Variants in TNPO1 observed in about 807,000 individuals in gnomAD.
TNPO1 encodes the protein transportin-1.
In TNPO1, 8 loss-of-function variants were observed where a neutral mutation model predicts 119.5. The ratio of observed to expected loss-of-function variants is 0.07; its 90% CI spans 0.04 to 0.12. TNPO1 has a LOEUF of 0.12. Ranked by LOEUF, TNPO1 falls within the 10% of genes least tolerant of loss-of-function variation. The pLI is 1.00. For missense variants in TNPO1, 576 were observed against 1,089.8 expected (o/e 0.53, Z 6.64); for synonymous variants, 362 against 363.0 (o/e 1.00, Z 0.03).
intron 1 of TNPO1, among the ~76,000 whole-genome samples, chr5:72,843,593 CAA>C (rs35891028): frequency 5.0e-5 from 6 of 118,920 alleles, no homozygotes; most frequent in Admixed American, 1.9e-4. Flanking sequence ...GATTCCGTCT[CAA>C]AAAAAAAAAA....
chr5:72,846,235 A>G (rs1745122162), intron 1 of TNPO1, among the ~76,000 whole-genome samples: 1 of 152,204 alleles, frequency 6.6e-6, no homozygotes, highest in African/African-American at 2.4e-5. Context: ...TGTTGTTGGT[A>G]GTGGCAAAAA....
chr5:72,817,544 A>G (rs1215804283), intron 1 of TNPO1, among the ~76,000 whole-genome samples: 1 of 152,216 alleles, frequency 6.6e-6, no homozygotes, highest in African/African-American at 2.4e-5. Context: ...TAAGTCTGTT[A>G]TCTTAATCGC....
Position 72,887,240 on chromosome 5 carries a change from T to A in TNPO1, c.1303+18T>A. On this transcript the variant is annotated intron_variant, in intron 12 of 24. Coordinates refer to ENST00000337273, the MANE Select transcript of TNPO1 (RefSeq NM_002270.4). ...TGCTGAAGGTAAGCCTAAGTCCAGT[T>A]TGAATTATGTAAGTTGGCTTCTTAC... is the stretch of plus-strand genomic sequence containing the variant. 2 of 1,186,952 alleles carry A rather than the reference T, an allele frequency of 1.7e-6. No homozygotes were observed. The highest frequency in any genetic ancestry group is 2.3e-6 in the Non-Finnish European group (2 of 863,632). 73.5% of individuals were successfully genotyped at this position (1,186,952 alleles called of 1,614,324 possible).
rs926074332 is a variant in TNPO1, at chr5:72,911,317, G to A, written c.*2644G>A. 2 of 151,534 alleles carry A rather than the reference G, an allele frequency of 1.3e-5. No homozygotes were observed. Among genetic ancestry groups the A allele is most frequent in the South Asian group, 2.1e-4 (1 of 4,810 alleles). 9.4% of individuals were successfully genotyped at this position (151,534 alleles called of 1,614,324 possible). On this transcript the variant is annotated 3_prime_UTR_variant, in exon 25 of 25. Coordinates refer to ENST00000337273, the MANE Select transcript of TNPO1 (RefSeq NM_002270.4). Reference sequence around the variant, plus strand: ...AATGCACCCAGTTTTGTAGTCACTTGACTTTTTTTTTTTATTTAAATGAAA... The same window carrying A: ...AATGCACCCAGTTTTGTAGTCACTTAACTTTTTTTTTTTATTTAAATGAAA...
At chr5:72,880,020 C>T (rs1176960670) in intron 9 of TNPO1, among the ~76,000 whole-genome samples, 1 of 152,040 alleles carries the variant, frequency 6.6e-6, no homozygotes, top group Non-Finnish European at 1.5e-5. Flanking sequence ...AAACCCGTCT[C>T]TACCAAAAAT....
At position 72,888,160 on chromosome 5, in the gene TNPO1, G is replaced by A. The variant is rs1161736803; in HGVS notation, c.1386G>A (p.Val462=). The change falls in exon 13 of 25, where the codon GTG becomes GTA. Residue 462 remains valine (V), a synonymous_variant. Coordinates refer to ENST00000337273, the MANE Select transcript of TNPO1 (RefSeq NM_002270.4). ...GCCTCTCTGATAAAAAGGCTCTTGT[G>A]CGTTCCATAACATGCTGGACTCTTA... is the stretch of plus-strand genomic sequence containing the variant. ...IQCLSDKKAL[V]RSITCWTLSR... 1 of 1,614,068 alleles carries A rather than the reference G, an allele frequency of 6.2e-7. No homozygotes were observed. Among genetic ancestry groups the A allele is most frequent in the South Asian group, 1.1e-5 (1 of 91,078 alleles).
intron 1 of TNPO1, among the ~76,000 whole-genome samples, chr5:72,834,704 G>A (rs1224422862): frequency 6.6e-6 from 1 of 152,076 alleles, no homozygotes; most frequent in Non-Finnish European, 1.5e-5. Context: ...ATTTATTATT[G>A]AAGAAAGAAA....
intron 11 of TNPO1, 79 bp from the exon 12 acceptor site, chr5:72,886,991 T>C: frequency 7.9e-7 from 1 of 1,268,050 alleles, no homozygotes; most frequent in Non-Finnish European, 1.0e-6. Flanking sequence ...GAGATACGAA[T>C]AAAATGTTAC....
intron 4 of TNPO1, among the ~76,000 whole-genome samples, chr5:72,857,549 A>G (rs1021123765): frequency 1.3e-5 from 2 of 152,170 alleles, no homozygotes; most frequent in Non-Finnish European, 2.9e-5. Context: ...TACTCTTGAC[A>G]CTGTTAAAAA....
In TNPO1 at chr5:72,888,292, A is replaced by G. The variant is rs1354547601; in HGVS notation, c.1518A>G (p.Glu506=). ...RILDSNKRVQ[E]AACSAFATLE... is the part of the protein sequence containing the mutation. Reference sequence around the variant, plus strand: ...TGGACAGCAACAAGAGAGTACAAGAAGCTGCCTGCAGGTGGGACAGATTCA... The same window carrying G: ...TGGACAGCAACAAGAGAGTACAAGAGGCTGCCTGCAGGTGGGACAGATTCA... The change falls in exon 13 of 25, where the codon GAA becomes GAG. Residue 506 remains glutamate (E), a synonymous_variant. Transcript: ENST00000337273. 6.2e-7 allele frequency: 1 copy of G among 1,614,008 alleles called. No individual in the cohort carries two copies. The highest frequency in any genetic ancestry group is 1.7e-5 in the Admixed American group (1 of 60,028).
intron 20 of TNPO1, among the ~76,000 whole-genome samples, chr5:72,897,365 C>T (rs2112477010): frequency 6.6e-6 from 1 of 152,262 alleles, no homozygotes; most frequent in Admixed American, 6.5e-5. Context: ...ACCAGAAAAA[C>T]ACTTTTTTCC....
Position 72,900,989 on chromosome 5 carries a change from A to G in TNPO1, c.2430A>G (p.Arg810=), listed in dbSNP as rs1342001011. The change falls in exon 22 of 25, where the codon AGA becomes AGG. Residue 810 remains arginine (R), a synonymous_variant. Transcript: ENST00000337273. The part of the protein sequence containing the change: ...QFIRPWCTSL[R]NIRDNEEKDS... ...AATTCAATAGGTGCACCTCTCTGAG[A>G]AACATAAGAGACAATGAGGAAAAGG... The G allele has an allele frequency of 1.2e-6, 2 of 1,609,602 alleles. No homozygotes were observed. The highest frequency in any genetic ancestry group is 8.5e-7 in the Non-Finnish European group (1 of 1,178,434).
chr5:72,868,155 G>A (rs1414375420), intron 6 of TNPO1, among the ~76,000 whole-genome samples: 2 of 151,964 alleles, frequency 1.3e-5, no homozygotes, highest in Non-Finnish European at 1.5e-5. Flanking sequence ...TAATATGGCC[G>A]GGCGCGGTGG....
intron 7 of TNPO1, among the ~76,000 whole-genome samples, chr5:72,873,354 G>A (rs1298219228): frequency 2.6e-5 from 4 of 152,186 alleles, no homozygotes; most frequent in East Asian, 3.9e-4. Flanking sequence ...TTCATGAAAT[G>A]GAATTTTAAA....
chr5:72,850,877 T>A (rs1420190408), intron 2 of TNPO1, among the ~76,000 whole-genome samples: 1 of 152,254 alleles, frequency 6.6e-6, no homozygotes, highest in Non-Finnish European at 1.5e-5. Context: ...TGTTTTCATT[T>A]GGAATGCTTT....
Position 72,861,833 on chromosome 5 carries a change from C to T in TNPO1, c.381C>T (p.Ser127=). Residue 127 remains serine (S), a synonymous_variant, in exon 5 of 25, where the codon TCC becomes TCT. Transcript: ENST00000337273. ...TVGILITTIA[S]KGELQNWPDL... is the part of the protein sequence containing the mutation. ...GTATTTTGATCACAACTATAGCCTCCAAGGGAGAATTGCAGAATTGGCCTG... is the reference window on the plus strand; with the variant it reads ...GTATTTTGATCACAACTATAGCCTCTAAGGGAGAATTGCAGAATTGGCCTG... 1.2e-6 allele frequency: 2 copies of T among 1,613,832 alleles called. No individual in the cohort carries two copies. Among genetic ancestry groups the T allele is most frequent in the Non-Finnish European group, 1.7e-6 (2 of 1,179,768 alleles).
chr5:72,816,713 G>GGCCCGAGC lies in TNPO1; in HGVS notation c.-17_-10dup. ...AGGAGGCAGTGCCGCTTCGGCCGAA[G>GGCCCGAGC]GCCCGAGCGCCCGAGGCGTCTGGGA... On this transcript the variant is annotated 5_prime_UTR_variant, in exon 1 of 25. Transcript: ENST00000337273. The GGCCCGAGC allele has an allele frequency of 4.5e-6, 7 of 1,567,812 alleles. No individual in the cohort carries two copies. The highest frequency in any genetic ancestry group is 6.0e-6 in the Non-Finnish European group (7 of 1,159,170).
At chr5:72,887,925 G>T (rs1263610825) in intron 12 of TNPO1, among the ~76,000 whole-genome samples, 153 bp from the exon 13 acceptor site, 1 of 152,098 alleles carries the variant, frequency 6.6e-6, no homozygotes, top group African/African-American at 2.4e-5. Context: ...TAACTTCAGG[G>T]TTTTAAAAAT....
chr5:72,861,786 A>T, intron 4 of TNPO1, 22 bp from the exon 5 acceptor site: 1 of 1,548,868 alleles, frequency 6.5e-7, no homozygotes, highest in Non-Finnish European at 8.9e-7. Context: ...GGATTTCCTA[A>T]AGAAGTGTGT....
Sources: allele counts gnomAD v4.1 joint callset (sites outside exome capture counted in the v4.1 genomes callset), GRCh38; gene constraint gnomAD v4.1.1; transcripts MANE v1.5; gene names NCBI Gene and HGNC (gene_info 2026-07-23, HGNC 2026-07-21).